Variants in OPRL1 observed in about 807,000 individuals in gnomAD.
The protein encoded by OPRL1 is nociceptin receptor.
Under a neutral mutation model 15.5 loss-of-function variants are expected in OPRL1, and 5 were observed. That is an observed-to-expected ratio of 0.32 (90% CI 0.17 to 0.68). OPRL1 has a LOEUF of 0.68. OPRL1 is among the 30% of genes least tolerant of loss of function. OPRL1 has a pLI of 0.72. For synonymous variants in OPRL1, 223 were observed against 230.2 expected (o/e 0.97, Z 0.28); for missense variants, 406 against 515.3 (o/e 0.79, Z 2.05).
chr20:64,097,688 T>C lies in OPRL1; in HGVS notation c.234-114T>C. 2.2e-6 allele frequency: 2 copies of C among 893,132 alleles called. No homozygotes were observed. Among genetic ancestry groups the C allele is most frequent in the Admixed American group, 2.2e-5 (1 of 45,884 alleles). The allele number at this position is 893,132 out of a possible 1,614,324, so 55.3% of individuals were successfully genotyped here. A position where few individuals can be genotyped will look rare whatever the true frequency, so the allele number is the denominator to read the frequency against. ...CAAGCCCCCATGGGAACTCTGATGT[T>C]AAGGGACTCAGGGCCACTGTAGCTT... On this transcript the variant is annotated intron_variant, in intron 3 of 4. Coordinates refer to ENST00000336866, the MANE Select transcript of OPRL1 (RefSeq NM_182647.4). The surrounding 1 kb of genome is among the most constrained non-coding windows in gnomAD (Gnocchi z 4.2).
At position 64,080,110 on chromosome 20, in the gene OPRL1, C is replaced by T. The variant is rs1226757411; in HGVS notation, c.-427C>T. 1 of 151,476 alleles carries T rather than the reference C, an allele frequency of 6.6e-6. No individual in the cohort carries two copies. Among genetic ancestry groups the T allele is most frequent in the East Asian group, 1.9e-4 (1 of 5,166 alleles). 9.4% of individuals were successfully genotyped at this position (151,476 alleles called of 1,614,324 possible). On this transcript the variant is annotated 5_prime_UTR_variant, in exon 1 of 5. Coordinates refer to ENST00000336866, the MANE Select transcript of OPRL1 (RefSeq NM_182647.4). ...CGCCCCGCCCGCGCGTCGGCCCCCA[C>T]AGTCGCCTGGGGGTGGCCCGGAGAG...
chr20:64,093,052 G>C, intron 3 of OPRL1, 99 bp downstream of exon 3: 1 of 1,024,900 alleles, frequency 9.8e-7, no homozygotes, highest in Non-Finnish European at 1.4e-6. Context: ...AGCAGGTGTT[G>C]ATTTCCTGCT....
intron 1 of OPRL1, among the ~76,000 whole-genome samples, chr20:64,088,039 C>T (rs529498492): frequency 5.9e-5 from 9 of 152,254 alleles, no homozygotes; most frequent in African/African-American, 9.6e-5. Flanking sequence ...TCTAAGACTG[C>T]GCCTGTGAGG....
At chr20:64,088,973 G>T (rs930770027) in intron 1 of OPRL1, among the ~76,000 whole-genome samples, 2 of 151,700 alleles carry the variant, frequency 1.3e-5, no homozygotes, top group Non-Finnish European at 2.9e-5. Flanking sequence ...TTTGCAAGGG[G>T]GCAGGATCTT....
chr20:64,082,775 C>T (rs550949347), intron 1 of OPRL1, among the ~76,000 whole-genome samples: 208 of 142,710 alleles, frequency 1.5e-3, no homozygotes, highest in African/African-American at 5.4e-3. Flanking sequence ...GGGGTGGCTT[C>T]CTTTTGTACT....
rs551158043 is a variant in OPRL1 at position 64,089,131 on chromosome 20, G to C, written c.-184-2835G>C. Among the ~76,000 whole-genome samples, 8 of 152,166 alleles carry C rather than the reference G, an allele frequency of 5.3e-5. No individual in the cohort carries two copies. In the South Asian group the frequency reaches 1.7e-3, roughly 31 times the overall value. Reference sequence around the variant, plus strand: ...TCAGCATGCCAGGGTCTGTGCTGGGGGTTTGCCGCAGGCACAAGGGAGGGA... The same window carrying C: ...TCAGCATGCCAGGGTCTGTGCTGGGCGTTTGCCGCAGGCACAAGGGAGGGA... On this transcript the variant is annotated intron_variant, in intron 1 of 4. Transcript: ENST00000336866. The surrounding 1 kb of genome is among the most constrained non-coding windows in gnomAD (Gnocchi z 5.5).
Position 64,083,414 on chromosome 20 carries a change from GT to G in OPRL1, c.-185+3063del, listed in dbSNP as rs1601624715. On this transcript the variant is annotated intron_variant, in intron 1 of 4. Transcript: ENST00000336866. This position sits in a 1 kb window ranked among gnomAD's most constrained non-coding sequence, Gnocchi z 4.9. Reference sequence around the variant, plus strand: ...AACTTTATGTGGGAGGCTGGGGCGCGTCGCACACTCTCAGTCGCCGTCACCG... The same window carrying G: ...AACTTTATGTGGGAGGCTGGGGCGCGCGCACACTCTCAGTCGCCGTCACCG... The G allele has an allele frequency of 1.9e-6, 3 of 1,611,752 alleles. No homozygotes were observed. In the African/African-American group the frequency reaches 4.0e-5, roughly 22 times the overall value.
intron 1 of OPRL1, among the ~76,000 whole-genome samples, chr20:64,088,722 G>T (rs2060084672): frequency 4.2e-4 from 5 of 12,038 alleles, no homozygotes; most frequent in Admixed American, 1.2e-3. Flanking sequence ...AGAGTGGCCA[G>T]GATCTGTGCA....
rs1387929442 is a variant in OPRL1 at position 64,098,718 on chromosome 20, G to A, written c.1032G>A (p.Gln344=). ...CATCTGCCCTGCGCCGGGACGTGCA[G>A]GTGTCTGACCGCGTGCGCAGCATTG... ...CCASALRRDV[Q]VSDRVRSIAK... Residue 344 remains glutamine, a synonymous_variant, in exon 5 of 5, where the codon CAG becomes CAA. Coordinates refer to ENST00000336866, the MANE Select transcript of OPRL1 (RefSeq NM_182647.4). 113 of 1,612,256 alleles carry A rather than the reference G, an allele frequency of 7.0e-5. No individual in the cohort carries two copies. The highest frequency in any genetic ancestry group is 9.3e-5 in the Non-Finnish European group (110 of 1,179,980).
rs1361499480 is a variant in OPRL1 at position 64,099,902 on chromosome 20, A to T, written c.*1103A>T. The T allele has an allele frequency of 6.6e-6, 1 of 152,296 alleles. No individual in the cohort carries two copies. Among genetic ancestry groups the T allele is most frequent in the Non-Finnish European group, 1.5e-5 (1 of 68,146 alleles). 9.4% of individuals were successfully genotyped at this position (152,296 alleles called of 1,614,324 possible). On this transcript the variant is annotated 3_prime_UTR_variant, in exon 5 of 5. Transcript: ENST00000336866. ...CTGTGTTGCGGGGGAAGCTGTGTGG[A>T]AGGAGAAGCTGGTGGCCACAGCAGA...
intron 1 of OPRL1, among the ~76,000 whole-genome samples, chr20:64,091,685 T>TTG: frequency 6.6e-6 from 1 of 152,138 alleles, no homozygotes; most frequent in Admixed American, 6.5e-5. Flanking sequence ...CTGTGTGTCC[T>TTG]TGTGTGTGTC....
Position 64,083,124 on chromosome 20 carries a change from TC to T in OPRL1, c.-185+2774del, listed in dbSNP as rs1485503756. Among the ~76,000 whole-genome samples, 6 of 152,106 alleles carry T rather than the reference TC, an allele frequency of 3.9e-5. No individual in the cohort carries two copies. Among genetic ancestry groups the T allele is most frequent in the Non-Finnish European group, 7.4e-5 (5 of 68,008 alleles). ...TCTGCTGAAACAGGCTCTTTCTCCG[TC>T]CTCCCCAAGACTGGGGGCCTCCCAT... On this transcript the variant is annotated intron_variant, in intron 1 of 4. Coordinates refer to ENST00000336866, the MANE Select transcript of OPRL1 (RefSeq NM_182647.4). The surrounding 1 kb of genome is among the most constrained non-coding windows in gnomAD (Gnocchi z 4.9).
Position 64,098,349 on chromosome 20 carries a change from CT to C in OPRL1, c.665del (p.Phe222SerfsTer17), listed in dbSNP as rs1979438880. 2 of 1,613,898 alleles carry C rather than the reference CT, an allele frequency of 1.2e-6. No individual in the cohort carries two copies. The highest frequency in any genetic ancestry group is 1.7e-6 in the Non-Finnish European group (2 of 1,180,026). ...CGGTGTTTGCCATCTGCATCTTCCT[CT>C]TCTCCTTCATCGTCCCCGTGCTCGT... ...GPVFAICIFL[F>X]SFIVPVLVIS... On this transcript the variant is annotated frameshift_variant, in exon 5 of 5. Coordinates refer to ENST00000336866, the MANE Select transcript of OPRL1 (RefSeq NM_182647.4). LOFTEE classifies it high-confidence loss of function.
chr20:64,083,801 C>T lies in OPRL1; in HGVS notation c.-185+3449C>T. On this transcript the variant is annotated intron_variant, in intron 1 of 4. Coordinates refer to ENST00000336866, the MANE Select transcript of OPRL1 (RefSeq NM_182647.4). The surrounding 1 kb of genome is among the most constrained non-coding windows in gnomAD (Gnocchi z 4.9). The stretch of plus-strand genomic sequence containing the variant: ...CTCCCGGTGCGCCCCCTCTGCCCTC[C>T]GACCCCCTCGCCTCACCCGCATGCG... 1 of 1,342,324 alleles carries T rather than the reference C, an allele frequency of 7.4e-7. No individual in the cohort carries two copies. The highest frequency in any genetic ancestry group is 9.5e-7 in the Non-Finnish European group (1 of 1,053,162). The allele number at this position is 1,342,324 out of a possible 1,614,324, so 83.2% of individuals were successfully genotyped here.
chr20:64,082,138 G>C (rs1273261755), intron 1 of OPRL1, among the ~76,000 whole-genome samples: 2 of 152,170 alleles, frequency 1.3e-5, no homozygotes, highest in South Asian at 2.1e-4. Context: ...ACCAGGGCTG[G>C]CTGTCATCAC....
In OPRL1 at chr20:64,098,398, A is replaced by G. The variant is rs771493199; in HGVS notation, c.712A>G (p.Met238Val). Residue 238 changes from methionine to valine, a missense_variant, in exon 5 of 5, where the codon ATG (methionine) becomes GTG (valine). Transcript: ENST00000336866. ...VLVISVCYSL[M>V]IRRLRGVRLL... ...CGTCATCTCTGTCTGCTACAGCCTCATGATCCGGCGGCTCCGTGGAGTCCG... is the reference window on the plus strand; with the variant it reads ...CGTCATCTCTGTCTGCTACAGCCTCGTGATCCGGCGGCTCCGTGGAGTCCG... The G allele has an allele frequency of 6.2e-7, 1 of 1,613,550 alleles. No individual in the cohort carries two copies. The highest frequency in any genetic ancestry group is 8.5e-7 in the Non-Finnish European group (1 of 1,179,988).
rs1307083628 is a variant in OPRL1 at position 64,092,727 on chromosome 20, C to T, written c.7C>T (p.Pro3Ser). 6.2e-7 allele frequency: 1 copy of T among 1,611,660 alleles called. No homozygotes were observed. Among genetic ancestry groups the T allele is most frequent in the Non-Finnish European group, 8.5e-7 (1 of 1,179,364 alleles). ...GGATTTGCAGGGCAGTGGCATGGAG[C>T]CCCTCTTCCCCGCGCCGTTCTGGGA... MEPLFPAPFWEVI... is the reference protein window; with the variant it reads MESLFPAPFWEVI... The change falls in exon 3 of 5, where the codon CCC becomes TCC. Residue 3 changes from proline (P) to serine (S), a missense_variant. Coordinates refer to ENST00000336866, the MANE Select transcript of OPRL1 (RefSeq NM_182647.4).
Position 64,098,558 on chromosome 20 carries a change from A to G in OPRL1, c.872A>G (p.Gln291Arg). The change falls in exon 5 of 5, where the codon CAG (glutamine) becomes CGG (arginine). Residue 291 changes from glutamine (Q) to arginine (R), a missense_variant. Physicochemically the swap from Gln to Arg is conservative, Grantham distance 43. Coordinates refer to ENST00000336866, the MANE Select transcript of OPRL1 (RefSeq NM_182647.4). Reference protein sequence around the residue: ...VFVLAQGLGVQPSSETAVAIL... With the variant: ...VFVLAQGLGVRPSSETAVAIL... ...GTGCTGGCCCAAGGGCTGGGGGTTC[A>G]GCCGAGCAGCGAGACTGCCGTGGCC... 1 of 1,612,750 alleles carries G rather than the reference A, an allele frequency of 6.2e-7. No homozygotes were observed. The highest frequency in any genetic ancestry group is 8.5e-7 in the Non-Finnish European group (1 of 1,179,976).
At position 64,100,400 on chromosome 20, in the gene OPRL1, G is replaced by A. The variant is rs1276129152; in HGVS notation, c.*1601G>A. 1 of 152,288 alleles carries A rather than the reference G, an allele frequency of 6.6e-6. No homozygotes were observed. The highest frequency in any genetic ancestry group is 1.5e-5 in the Non-Finnish European group (1 of 68,070). 9.4% of individuals were successfully genotyped at this position (152,288 alleles called of 1,614,324 possible). A position where few individuals can be genotyped will look rare whatever the true frequency, so the allele number is the denominator to read the frequency against. On this transcript the variant is annotated 3_prime_UTR_variant, in exon 5 of 5. Transcript: ENST00000336866. ...TCTAGGCCGTGGGGACTGTTCTGGG[G>A]AGGCTCATGCTGTCTCCATGACGTC...
Sources: gnomAD v4.1 joint callset for allele counts (sites outside exome capture counted in the v4.1 genomes callset) on GRCh38, gnomAD v4.1.1 for gene constraint, Gnocchi (gnomAD v3.1) non-coding constraint, MANE v1.5 for transcripts, NCBI Gene and HGNC (gene_info 2026-07-23, HGNC 2026-07-21) for gene names.